Variants in NXPE4 observed in about 807,000 individuals in gnomAD.
NXPE4 encodes NXPE family member 4.
In NXPE4, 42 loss-of-function variants were observed where a neutral mutation model predicts 33.3. The observed-to-expected ratio is 1.26, with a 90% CI of 0.98 to 1.63. The LOEUF (loss-of-function observed/expected upper bound fraction) is 1.63. Ranked by LOEUF, NXPE4 falls within the 40% of genes most tolerant of loss-of-function variation. NXPE4 has a pLI of 0.00. For synonymous variants in NXPE4, 253 were observed against 234.9 expected (o/e 1.08, Z -0.71); for missense variants, 709 against 647.6 (o/e 1.09, Z -1.03).
the NXPE4 span, among the ~76,000 whole-genome samples, chr11:114,659,559 A>T: frequency 6.6e-6 from 1 of 152,168 alleles, no homozygotes; most frequent in African/African-American, 2.4e-5. Context: ...AAATGAAACA[A>T]CATACTTCTA....
At chr11:114,575,043 TAA>T (rs1157866206) in intron 5 of NXPE4, among the ~76,000 whole-genome samples, 4 of 152,124 alleles carry the variant, frequency 2.6e-5, no homozygotes, top group African/African-American at 9.6e-5. Flanking sequence ...TTAACATACG[TAA>T]GTCAATAAAT....
At chr11:114,610,823 C>T in the NXPE4 span, among the ~76,000 whole-genome samples, 2 of 151,804 alleles carry the variant, frequency 1.3e-5, no homozygotes, top group African/African-American at 4.8e-5. Context: ...TCACTGTTAC[C>T]CTGTGGATAA....
intron 4 of NXPE4, among the ~76,000 whole-genome samples, chr11:114,580,643 C>A (rs1356915869): frequency 1.3e-5 from 2 of 152,148 alleles, no homozygotes; most frequent in Non-Finnish European, 2.9e-5. Flanking sequence ...AAACTAAAGT[C>A]ATCAATTCTT....
the NXPE4 span, among the ~76,000 whole-genome samples, chr11:114,629,296 G>A: frequency 1.3e-5 from 2 of 152,064 alleles, no homozygotes; most frequent in Admixed American, 6.6e-5. Flanking sequence ...ACGGAATCCA[G>A]CAGCACATCA....
At chr11:114,646,006 C>T in the NXPE4 span, among the ~76,000 whole-genome samples, 1 of 152,010 alleles carries the variant, frequency 6.6e-6, no homozygotes, top group Non-Finnish European at 1.5e-5. Context: ...TTGGTTAGTA[C>T]TTCAGAGAAA....
the NXPE4 span, among the ~76,000 whole-genome samples, chr11:114,633,108 A>G: frequency 8.3e-6 from 1 of 120,564 alleles, no homozygotes; most frequent in African/African-American, 3.3e-5. Flanking sequence ...TATATTTTAC[A>G]TTATATTTTA....
chr11:114,614,335 T>C, the NXPE4 span, among the ~76,000 whole-genome samples: 1 of 151,710 alleles, frequency 6.6e-6, no homozygotes, highest in South Asian at 2.1e-4. Flanking sequence ...GGTTACCTGA[T>C]GGATAATAAG....
chr11:114,630,489 G>T, the NXPE4 span, among the ~76,000 whole-genome samples: 1 of 151,602 alleles, frequency 6.6e-6, no homozygotes, highest in Non-Finnish European at 1.5e-5. Flanking sequence ...GCTGAAACTG[G>T]ATCCCTTCCT....
At chr11:114,596,472 A>G (rs1949574030), upstream of NXPE4, among the ~76,000 whole-genome samples, 1 of 152,190 alleles carries the variant, frequency 6.6e-6, no homozygotes, top group African/African-American at 2.4e-5. Flanking sequence ...ATGCCCATCA[A>G]TCTTTCCAGT....
chr11:114,618,706 G>A, the NXPE4 span, among the ~76,000 whole-genome samples: 14 of 152,054 alleles, frequency 9.2e-5, no homozygotes, highest in East Asian at 3.9e-4. Context: ...GTGCTGTGTC[G>A]TGGGTAACAA....
intron 2 of NXPE4, among the ~76,000 whole-genome samples, chr11:114,590,724 A>G (rs1374875707): frequency 6.6e-6 from 1 of 152,262 alleles, no homozygotes; most frequent in African/African-American, 2.4e-5. Context: ...AAGAAACTTG[A>G]TTTGCAGGTA....
At chr11:114,611,156 A>G in the NXPE4 span, among the ~76,000 whole-genome samples, 3 of 149,930 alleles carry the variant, frequency 2.0e-5, no homozygotes, top group Non-Finnish European at 3.0e-5. Context: ...TACCCGGAGG[A>G]TAATAAGGAC....
chr11:114,606,210 T>C, the NXPE4 span, among the ~76,000 whole-genome samples: 2 of 151,868 alleles, frequency 1.3e-5, no homozygotes, highest in Non-Finnish European at 2.9e-5. Flanking sequence ...GGATAATACG[T>C]ATTGCCTCAT....
chr11:114,662,770 G>A, the NXPE4 span, among the ~76,000 whole-genome samples: 2 of 152,124 alleles, frequency 1.3e-5, no homozygotes, highest in Non-Finnish European at 1.5e-5. Flanking sequence ...CCTAGCTCCC[G>A]AGTGACATTT....
At chr11:114,615,194 C>G in the NXPE4 span, among the ~76,000 whole-genome samples, 1 of 151,980 alleles carries the variant, frequency 6.6e-6, no homozygotes, top group African/African-American at 2.4e-5. Context: ...TCGTTGGTAA[C>G]CACTGTTAGC....
At chr11:114,605,459 T>C in the NXPE4 span, among the ~76,000 whole-genome samples, 1 of 151,882 alleles carries the variant, frequency 6.6e-6, no homozygotes, top group East Asian at 1.9e-4. Context: ...GGATAACAAC[T>C]GTTGCCTTTG....
chr11:114,668,821 A>G, the NXPE4 span, among the ~76,000 whole-genome samples: 1 of 152,170 alleles, frequency 6.6e-6, no homozygotes, highest in African/African-American at 2.4e-5. Flanking sequence ...ATCCTCTCCC[A>G]GAAATAACTG....
At position 114,594,714 on chromosome 11, in the gene NXPE4, A is replaced by G; in HGVS notation, c.46T>C (p.Phe16Leu). The change falls in exon 2 of 6, where the codon TTT (phenylalanine) becomes CTT (leucine). Residue 16 changes from phenylalanine to leucine, a missense_variant. Transcript: ENST00000375478. The stretch of plus-strand genomic sequence containing the variant: ...AAAATGATCCAGGAGGCTAATATAA[A>G]CAACAGTGCCAATAGTGACTTATAA... ...INYKSLLALL[F>L]ILASWIIFTV... 1 of 1,602,978 alleles carries G rather than the reference A, an allele frequency of 6.2e-7. No homozygotes were observed. The highest frequency in any genetic ancestry group is 8.5e-7 in the Non-Finnish European group (1 of 1,171,484).
the NXPE4 span, among the ~76,000 whole-genome samples, chr11:114,636,450 G>C: frequency 1.3e-5 from 2 of 152,032 alleles, no homozygotes; most frequent in East Asian, 1.9e-4. Context: ...GGTTTTTTGT[G>C]TCTCTATTTC....
Sources: gnomAD v4.1 joint callset for allele counts (sites outside exome capture counted in the v4.1 genomes callset) on GRCh38, gnomAD v4.1.1 for gene constraint, MANE v1.5 for transcripts, NCBI Gene and HGNC (gene_info 2026-07-23, HGNC 2026-07-21) for gene names.